SQOR: variants seen among roughly 807,000 people sequenced by gnomAD.
The protein encoded by SQOR is sulfide quinone oxidoreductase, also known as sulfide:quinone oxidoreductase, mitochondrial.
A neutral mutation model predicts 48.6 loss-of-function variants in SQOR; 39 were observed. The ratio of observed to expected loss-of-function variants is 0.80; its 90% CI spans 0.62 to 1.05. The LOEUF is 1.05. SQOR is among the 50% of genes least tolerant of loss of function. SQOR has a pLI of 0.00. For missense variants in SQOR, 561 were observed against 559.9 expected (o/e 1.00, Z -0.02); for synonymous variants, 220 against 206.2 (o/e 1.07, Z -0.57).
At chr15:45,666,826 T>TCTCCTCTCCCCTCCC (rs1238660818) in intron 3 of SQOR, among the ~76,000 whole-genome samples, 1 of 17,254 alleles carries the variant, frequency 5.8e-5, no homozygotes, top group Non-Finnish European at 1.1e-4. Flanking sequence ...CCTCCCCTCC[T>TCTCCTCTCCCCTCCC]CTCCTCTCCC....
intron 1 of SQOR, chr15:45,646,048 T>C (rs1411248371): frequency 1.3e-5 from 2 of 152,248 alleles, no homozygotes; most frequent in Non-Finnish European, 2.9e-5. Context: ...AAATACATAT[T>C]GGATATTGTA....
rs115372813 is a variant in SQOR, at chr15:45,682,671, C to T, written c.1048+10C>T. On this transcript the variant is annotated intron_variant, in intron 7 of 9. Transcript: ENST00000260324. ...ACCGCTGCTGCAGTAGGTAAGTCAACCAGCTCCATTTCTCCCTTTCTCAAA... is the reference window on the plus strand; with the variant it reads ...ACCGCTGCTGCAGTAGGTAAGTCAATCAGCTCCATTTCTCCCTTTCTCAAA... 109,815 of 1,611,836 alleles carry T rather than the reference C, an allele frequency of 0.068. 4,340 individuals carry two copies. The highest frequency in any genetic ancestry group is 0.12 in the South Asian group (11,146 of 91,032).
intron 4 of SQOR, among the ~76,000 whole-genome samples, chr15:45,672,185 G>C (rs571927317): frequency 5.9e-5 from 9 of 152,044 alleles, no homozygotes; most frequent in Non-Finnish European, 1.0e-4. Context: ...AGGTATGGCG[G>C]TCCTGTGCGA....
intron 7 of SQOR, among the ~76,000 whole-genome samples, chr15:45,684,750 G>C (rs1285986576): frequency 6.6e-6 from 1 of 152,176 alleles, no homozygotes; most frequent in Non-Finnish European, 1.5e-5. Context: ...GTGAGGCCCA[G>C]ATTACCCAGC....
chr15:45,632,099 A>T (rs1226568277), upstream of SQOR: 1 of 152,184 alleles, frequency 6.6e-6, no homozygotes, highest in Non-Finnish European at 1.5e-5. Flanking sequence ...TCTCTTTTGC[A>T]TTGGAAGGAG....
chr15:45,659,920 G>C (rs775457847), intron 2 of SQOR, among the ~76,000 whole-genome samples: 3 of 152,160 alleles, frequency 2.0e-5, no homozygotes, highest in Non-Finnish European at 2.9e-5. Flanking sequence ...CACTGCACTT[G>C]CCTATCTGTT....
chr15:45,682,914 C>T (rs532682549), intron 7 of SQOR, among the ~76,000 whole-genome samples: 140 of 151,786 alleles, frequency 9.2e-4, no homozygotes, highest in African/African-American at 2.9e-3. Context: ...GCAATCCCAG[C>T]TACTCAGGAG....
At chr15:45,648,063 GTAAAA>G (rs1206304635) in intron 1 of SQOR, among the ~76,000 whole-genome samples, 1 of 152,198 alleles carries the variant, frequency 6.6e-6, no homozygotes, top group Non-Finnish European at 1.5e-5. Context: ...TTTATCATCT[GTAAAA>G]TGGGGATTTT....
intron 3 of SQOR, among the ~76,000 whole-genome samples, chr15:45,663,801 A>G (rs1488096694): frequency 3.3e-5 from 5 of 152,152 alleles, no homozygotes; most frequent in Admixed American, 3.3e-4. Context: ...AGAAAAAAAG[A>G]GTACCTGCTG....
In SQOR at chr15:45,689,104, C is replaced by T. The variant is rs1332557708; in HGVS notation, c.1182C>T (p.Asp394=). 1.2e-6 allele frequency: 2 copies of T among 1,614,050 alleles called. No homozygotes were observed. The highest frequency in any genetic ancestry group is 4.5e-5 in the East Asian group (2 of 44,888). Reference sequence around the variant, plus strand: ...ACCGTGTGATTCTTGCTGAGTTTGACTACAAAGCAGAGCCGCTAGAAACCT... The same window carrying T: ...ACCGTGTGATTCTTGCTGAGTTTGATTACAAAGCAGAGCCGCTAGAAACCT... The part of the protein sequence containing the change: ...GYNRVILAEF[D]YKAEPLETFP... Residue 394 remains aspartate (D), a synonymous_variant, in exon 9 of 10, where the codon GAC becomes GAT. Transcript: ENST00000260324.
chr15:45,677,917 A>C (rs1291970390), intron 6 of SQOR, among the ~76,000 whole-genome samples: 2 of 152,116 alleles, frequency 1.3e-5, no homozygotes, highest in African/African-American at 4.8e-5. Flanking sequence ...CATGTTGGCC[A>C]GGCTGGTCTC....
At chr15:45,633,693 C>CAAAA (rs397854330), upstream of SQOR, among the ~76,000 whole-genome samples, 4 of 77,508 alleles carry the variant, frequency 5.2e-5, no homozygotes, top group African/African-American at 9.5e-5. Context: ...GACTTCGCCT[C>CAAAA]AAAAAAAAAA....
At chr15:45,672,080 TA>T (rs1036641981) in intron 4 of SQOR, among the ~76,000 whole-genome samples, 1 of 152,210 alleles carries the variant, frequency 6.6e-6, no homozygotes, top group African/African-American at 2.4e-5. Context: ...GACAGCTTCT[TA>T]AAACTAGAGA....
At position 45,690,999 on chromosome 15, in the gene SQOR, T is replaced by C; in HGVS notation, c.1322T>C (p.Leu441Pro). The change falls in exon 10 of 10, where the codon CTG becomes CCG. Residue 441 changes from leucine to proline, a missense_variant. Physicochemically the swap from Leu to Pro is moderately conservative, Grantham distance 98. Coordinates refer to ENST00000260324, the MANE Select transcript of SQOR (RefSeq NM_021199.4). The stretch of plus-strand genomic sequence containing the variant: ...GGTTACTGGGGAGGACCAGCGTTTC[T>C]GCGCAAGTTGTTTCATCTAGGTATG... ...LRGYWGGPAF[L>P]RKLFHLGMS 1 of 1,614,218 alleles carries C rather than the reference T, an allele frequency of 6.2e-7. No homozygotes were observed. Among genetic ancestry groups the C allele is most frequent in the Non-Finnish European group, 8.5e-7 (1 of 1,180,026 alleles).
intron 5 of SQOR, among the ~76,000 whole-genome samples, chr15:45,674,628 G>A (rs931495377): frequency 6.6e-6 from 1 of 152,068 alleles, no homozygotes; most frequent in Admixed American, 6.6e-5. Context: ...TACGGAAAAT[G>A]CCAATTTAAA....
At chr15:45,641,077 T>C (rs612451) in intron 1 of SQOR, among the ~76,000 whole-genome samples, 4 of 152,204 alleles carry the variant, frequency 2.6e-5, no homozygotes, top group African/African-American at 9.7e-5. Flanking sequence ...ACTCTTAACT[T>C]TCATTTGAAA....
At position 45,677,065 on chromosome 15, in the gene SQOR, C is replaced by A. The variant is rs549589699; in HGVS notation, c.864+755C>A. 6.4e-4 allele frequency among the ~76,000 whole-genome samples: 96 copies of A among 150,716 alleles called. 1 individual carries two copies. The East Asian group carries it at 0.015, about 24-fold the overall frequency. ...AAAAAAAAAAAAAAAAAGAAATAAT[C>A]TCAAACTTAGAGAAGTTACAAAATA... On this transcript the variant is annotated intron_variant, in intron 6 of 9. Transcript: ENST00000260324.
At chr15:45,679,470 G>C (rs1239646781) in intron 6 of SQOR, among the ~76,000 whole-genome samples, 1 of 152,178 alleles carries the variant, frequency 6.6e-6, no homozygotes, top group Non-Finnish European at 1.5e-5. Context: ...TTGGGAGGCC[G>C]AGGCGGGTGG....
chr15:45,682,709 C>T (rs751860232), intron 7 of SQOR, 48 bp downstream of exon 7: 3 of 1,594,618 alleles, frequency 1.9e-6, no homozygotes, highest in Admixed American at 3.4e-5. Context: ...TATGTCACCT[C>T]AAGGCATGAT....
Sources: allele counts gnomAD v4.1 joint callset (sites outside exome capture counted in the v4.1 genomes callset), GRCh38; gene constraint gnomAD v4.1.1; transcripts MANE v1.5; gene names NCBI Gene and HGNC (gene_info 2026-07-23, HGNC 2026-07-21).